The following SLC2A9 variants were observed in gnomAD, a reference collection of about 807,000 sequenced individuals.
SLC2A9 encodes solute carrier family 2, facilitated glucose transporter member 9.
Under a neutral mutation model 50.6 loss-of-function variants are expected in SLC2A9, and 39 were observed. The ratio of observed to expected loss-of-function variants is 0.77; its 90% CI spans 0.60 to 1.01. The LOEUF (loss-of-function observed/expected upper bound fraction) is 1.01, where lower values mean the gene tolerates loss of function less well. Among genes scored for constraint, SLC2A9 ranks in the 50% least tolerant of loss-of-function variants. The pLI, the probability that SLC2A9 is intolerant of heterozygous loss-of-function variation, is 0.00. For synonymous variants in SLC2A9, 324 were observed against 276.9 expected, an observed-to-expected ratio of 1.17 and a Z score of -1.69; for missense variants, 686 against 677.6, an observed-to-expected ratio of 1.01 and a Z score of -0.14.
chr4:9,865,581 C>A (rs1242675300), intron 10 of SLC2A9, among the ~76,000 whole-genome samples: 1 of 152,168 alleles, frequency 6.6e-6, no homozygotes. Flanking sequence ...TACCAGGCAC[C>A]ATACATATCG....
chr4:9,772,704 GC>G (rs1398620335), intron 1 of SLC2A9, among the ~76,000 whole-genome samples: 1 of 151,916 alleles, frequency 6.6e-6, no homozygotes, highest in Non-Finnish European at 1.5e-5. Flanking sequence ...GTGTTATGTA[GC>G]ATTGCTGTAA....
At chr4:9,776,801 T>C (rs1304102670), downstream of SLC2A9, among the ~76,000 whole-genome samples, 4 of 152,180 alleles carry the variant, frequency 2.6e-5, no homozygotes, top group African/African-American at 9.7e-5. Context: ...TATTGTCCAG[T>C]TCAGAGGACA....
intron 5 of SLC2A9, among the ~76,000 whole-genome samples, chr4:9,967,183 A>G (rs184874708): frequency 3.8e-4 from 58 of 152,338 alleles, no homozygotes; most frequent in African/African-American, 1.3e-3. Flanking sequence ...ATTCATTATT[A>G]TCATTATAAA....
At chr4:10,019,268 G>C in intron 1 of SLC2A9, 195 bp from the exon 2 acceptor site, 1 of 595,150 alleles carries the variant, frequency 1.7e-6, no homozygotes, top group Non-Finnish European at 3.0e-6. Context: ...CGCGTGCGCA[G>C]GCCGGGCGCC....
At chr4:9,896,634 T>C (rs1738608569) in intron 8 of SLC2A9, among the ~76,000 whole-genome samples, 3 of 152,208 alleles carry the variant, frequency 2.0e-5, no homozygotes, top group Non-Finnish European at 4.4e-5. Context: ...TGAAAAATGG[T>C]TTGTGATTCT....
At chr4:9,814,642 G>A (rs1344110000) in intron 3 of SLC2A9, among the ~76,000 whole-genome samples, 1 of 152,156 alleles carries the variant, frequency 6.6e-6, no homozygotes, top group Admixed American at 6.5e-5. Context: ...CTGAGCTTAG[G>A]TGGGACAGTG....
At chr4:9,846,756 T>G (rs538110717) in intron 10 of SLC2A9, among the ~76,000 whole-genome samples, 1 of 152,306 alleles carries the variant, frequency 6.6e-6, no homozygotes, top group Non-Finnish European at 1.5e-5. Context: ...TCAATTGTAA[T>G]TTCATTTTTA....
chr4:9,874,930 T>C (rs1276450526), intron 10 of SLC2A9, among the ~76,000 whole-genome samples: 3 of 146,230 alleles, frequency 2.1e-5, no homozygotes, highest in African/African-American at 5.1e-5. Flanking sequence ...TCTTTAGAAA[T>C]GGCCATAGGT....
At chr4:9,853,568 C>A (rs1453431699) in intron 10 of SLC2A9, among the ~76,000 whole-genome samples, 1 of 152,116 alleles carries the variant, frequency 6.6e-6, no homozygotes, top group East Asian at 1.9e-4. Context: ...TGTCAACACC[C>A]CACTGACAGT....
intron 5 of SLC2A9, among the ~76,000 whole-genome samples, chr4:9,969,507 A>G (rs1753559494): frequency 6.6e-6 from 1 of 152,254 alleles, no homozygotes; most frequent in South Asian, 2.1e-4. Context: ...TTTAAGATCA[A>G]TGTGGTTTTT....
At chr4:9,860,265 G>A (rs980886144) in intron 10 of SLC2A9, among the ~76,000 whole-genome samples, 4 of 152,140 alleles carry the variant, frequency 2.6e-5, no homozygotes, top group African/African-American at 7.2e-5. Context: ...CGAGGCTGTT[G>A]GGGTCTTCCT....
chr4:9,828,944 T>A (rs1397714538), intron 11 of SLC2A9, among the ~76,000 whole-genome samples: 1 of 152,170 alleles, frequency 6.6e-6, no homozygotes, highest in African/African-American at 2.4e-5. Context: ...AGTGGATGGA[T>A]GGACTGAGGC....
rs756012230 is a variant in SLC2A9, at chr4:9,996,834, G to A, written c.357C>T (p.Ile119=). The A allele has an allele frequency of 2.5e-5, 40 of 1,614,050 alleles. No homozygotes were observed. Among genetic ancestry groups the A allele is most frequent in the East Asian group, 6.7e-5 (3 of 44,898 alleles). Residue 119 remains isoleucine (I), a synonymous_variant, in exon 3 of 12, where the codon ATC becomes ATT. Coordinates refer to ENST00000264784, the MANE Select transcript of SLC2A9 (RefSeq NM_020041.3). ...LWSVTVSIFA[I]GGLVGTLIVK... is the part of the protein sequence containing the mutation. The stretch of plus-strand genomic sequence containing the variant: ...CAATTAACGTCCCCACAAGTCCACC[G>A]ATGGCGAATATGGACACAGTCACAG...
At chr4:9,893,754 G>A (rs148678890) in intron 8 of SLC2A9, among the ~76,000 whole-genome samples, 11 of 152,228 alleles carry the variant, frequency 7.2e-5, no homozygotes, top group South Asian at 4.1e-4. Flanking sequence ...AGGGACCCCC[G>A]CAAAGGTAAT....
intron 10 of SLC2A9, among the ~76,000 whole-genome samples, chr4:9,880,820 T>C (rs1486228472): frequency 6.6e-6 from 1 of 152,198 alleles, no homozygotes; most frequent in Non-Finnish European, 1.5e-5. Context: ...CCCACACCTT[T>C]GCAGGGGTGG....
At chr4:9,998,215 A>G (rs78417069) in intron 2 of SLC2A9, among the ~76,000 whole-genome samples, 438 of 152,324 alleles carry the variant, frequency 2.9e-3, no homozygotes, top group African/African-American at 0.01. Flanking sequence ...TCAGTCCCCA[A>G]GGTACTTAGA....
intron 5 of SLC2A9, among the ~76,000 whole-genome samples, chr4:9,950,351 T>C (rs749387687): frequency 3.3e-5 from 5 of 152,314 alleles, no homozygotes; most frequent in African/African-American, 9.6e-5. Flanking sequence ...GTTTTGAGAA[T>C]TGGATGTGAG....
chr4:9,981,553 C>T lies in SLC2A9; in HGVS notation c.536-816G>A, dbSNP rs147924507. On this transcript the variant is annotated intron_variant, in intron 4 of 11. Coordinates refer to ENST00000264784, the MANE Select transcript of SLC2A9 (RefSeq NM_020041.3). ...AAAGTTGAGTAACTTGCCTAAATCA[C>T]CAAGTAATGTCCAGAGATGTTTAAA... is the stretch of plus-strand genomic sequence containing the variant. Among the ~76,000 whole-genome samples the T allele has an allele frequency of 2.3e-3, 350 of 152,264 alleles. 1 individual carries two copies. Among genetic ancestry groups the T allele is most frequent in the African/African-American group, 7.8e-3 (323 of 41,540 alleles).
At chr4:9,882,641 G>A (rs967829195) in intron 10 of SLC2A9, among the ~76,000 whole-genome samples, 6 of 151,314 alleles carry the variant, frequency 4.0e-5, no homozygotes, top group Non-Finnish European at 1.5e-5. Flanking sequence ...CCCGGGAGGC[G>A]GAGCTTGCAG....
Sources: gnomAD v4.1 joint callset for allele counts (sites outside exome capture counted in the v4.1 genomes callset) on GRCh38, gnomAD v4.1.1 for gene constraint, MANE v1.5 for transcripts, NCBI Gene and HGNC (gene_info 2026-07-23, HGNC 2026-07-21) for gene names.